Variants in RGS7 observed in about 807,000 individuals in gnomAD.
RGS7 encodes the protein regulator of G protein signaling 7.
A neutral mutation model predicts 81.1 loss-of-function variants in RGS7; 27 were observed. That is an observed-to-expected ratio of 0.33 (90% confidence interval 0.25 to 0.46). RGS7 has a LOEUF of 0.46. Ranked by LOEUF, RGS7 falls within the 20% of genes least tolerant of loss-of-function variation. The probability of loss-of-function intolerance (pLI) is 1.00; values close to 1 mark genes in which losing one functional copy is unlikely to be tolerated. For missense variants in RGS7, 396 were observed against 607.4 expected, an observed-to-expected ratio of 0.65 and a Z score of 3.66; for synonymous variants, 208 against 207.7, an observed-to-expected ratio of 1.00 and a Z score of -0.01.
At chr1:240,848,483 G>A (rs1433606934) in intron 9 of RGS7, among the ~76,000 whole-genome samples, 2 of 152,032 alleles carry the variant, frequency 1.3e-5, no homozygotes, top group African/African-American at 4.8e-5. Flanking sequence ...GGAATAATAA[G>A]ACCAAAAAAT....
At chr1:240,967,279 C>G (rs567450793) in intron 4 of RGS7, among the ~76,000 whole-genome samples, 1 of 152,236 alleles carries the variant, frequency 6.6e-6, no homozygotes, top group Admixed American at 6.5e-5. Context: ...AGACTCTGGG[C>G]CTAAATATAC....
At chr1:240,958,532 T>C (rs1474013837) in intron 4 of RGS7, among the ~76,000 whole-genome samples, 1 of 152,214 alleles carries the variant, frequency 6.6e-6, no homozygotes, top group Non-Finnish European at 1.5e-5. Context: ...TTCTGCTTTC[T>C]TGCCTTCACC....
chr1:240,903,725 A>G (rs1670381038), intron 6 of RGS7, among the ~76,000 whole-genome samples: 1 of 152,178 alleles, frequency 6.6e-6, no homozygotes, highest in Non-Finnish European at 1.5e-5. Flanking sequence ...GGTCATGGGT[A>G]CAGATCCCTC....
Position 241,230,766 on chromosome 1 carries a change from G to A in RGS7, c.78+124933C>T, listed in dbSNP as rs115671128. ...TCCTAGGACCGTGAGTACAGCTGCA[G>A]TCTTAGGTGTGCTTGTAGATCGGGA... On this transcript the variant is annotated intron_variant, in intron 2 of 18. Coordinates refer to ENST00000440928, the MANE Select transcript of RGS7 (RefSeq NM_001364886.1). 9.7e-3 allele frequency among the ~76,000 whole-genome samples: 1,475 copies of A among 152,344 alleles called. 12 individuals are homozygous for A. The highest frequency in any genetic ancestry group is 0.018 in the African/African-American group (746 of 41,576).
chr1:241,328,833 GTCATT>G (rs1183003363), intron 2 of RGS7, among the ~76,000 whole-genome samples: 1 of 152,262 alleles, frequency 6.6e-6, no homozygotes, highest in Non-Finnish European at 1.5e-5. Flanking sequence ...CTACAGTGGG[GTCATT>G]TCATTTATGA....
At chr1:241,123,203 G>C (rs971603148) in intron 2 of RGS7, among the ~76,000 whole-genome samples, 1 of 152,164 alleles carries the variant, frequency 6.6e-6, no homozygotes, top group Admixed American at 6.6e-5. Flanking sequence ...TTGGCTCTGA[G>C]GACTTCAGTG....
At chr1:241,290,931 A>T (rs1259901528) in intron 2 of RGS7, among the ~76,000 whole-genome samples, 1 of 152,226 alleles carries the variant, frequency 6.6e-6, no homozygotes, top group East Asian at 1.9e-4. Context: ...ATTAACCATG[A>T]TACAATGGCA....
intron 6 of RGS7, among the ~76,000 whole-genome samples, chr1:240,919,176 C>T (rs763887550): frequency 6.6e-5 from 10 of 152,104 alleles, no homozygotes; most frequent in East Asian, 3.9e-4. Flanking sequence ...AATAATACTC[C>T]GTACAATCTC....
intron 4 of RGS7, among the ~76,000 whole-genome samples, chr1:240,948,552 C>G (rs1337211293): frequency 6.6e-6 from 1 of 152,096 alleles, no homozygotes; most frequent in Non-Finnish European, 1.5e-5. Flanking sequence ...AAGTGATTCT[C>G]TGGCCTCAGC....
chr1:240,838,785 G>C (rs1055454697), intron 9 of RGS7, among the ~76,000 whole-genome samples: 1 of 123,218 alleles, frequency 8.1e-6, no homozygotes, highest in Non-Finnish European at 1.7e-5. Flanking sequence ...TTTTTTTTTT[G>C]AGACAGAGTC....
chr1:241,261,643 A>C (rs2077341849), intron 2 of RGS7, among the ~76,000 whole-genome samples: 2 of 151,362 alleles, frequency 1.3e-5, no homozygotes, highest in South Asian at 4.2e-4. Context: ...AAAAAAAAAA[A>C]AAAAAATGAG....
chr1:240,838,255 G>A lies in RGS7; in HGVS notation c.610-11083C>T, dbSNP rs189095351. On this transcript the variant is annotated intron_variant, in intron 9 of 18. Coordinates refer to ENST00000440928, the MANE Select transcript of RGS7 (RefSeq NM_001364886.1). ...TCCTCACATGGTGGAAGGCATAATA[G>A]TTCTCTCTTGGCCTCTTCTGTAAGG... Among the ~76,000 whole-genome samples, 510 of 152,274 alleles carry A rather than the reference G, an allele frequency of 3.3e-3. 16 individuals carry two copies. Among genetic ancestry groups the A allele is most frequent in the Admixed American group, 0.032 (492 of 15,300 alleles).
Position 241,165,789 on chromosome 1 carries a change from A to T in RGS7, c.79-67027T>A, listed in dbSNP as rs559472509. On this transcript the variant is annotated intron_variant, in intron 2 of 18. Transcript: ENST00000440928. ...AAAACTTAAAGTATAATAATAATAA[A>T]AAAAAAAAAAAACCAGCCCTGAAAA... Among the ~76,000 whole-genome samples, 268 of 151,624 alleles carry T rather than the reference A, an allele frequency of 1.8e-3. 3 individuals are homozygous for T. The highest frequency in any genetic ancestry group is 4.3e-3 in the East Asian group (22 of 5,152).
intron 4 of RGS7, among the ~76,000 whole-genome samples, chr1:240,978,319 A>G (rs1478980234): frequency 6.6e-6 from 1 of 152,226 alleles, no homozygotes; most frequent in African/African-American, 2.4e-5. Flanking sequence ...ATCTATATAT[A>G]CCTAAAATAC....
chr1:241,171,488 T>C (rs943217540), intron 2 of RGS7, among the ~76,000 whole-genome samples: 3 of 152,208 alleles, frequency 2.0e-5, no homozygotes, highest in Non-Finnish European at 4.4e-5. Context: ...GACTCATTTA[T>C]TGAGCATTCA....
At chr1:240,809,456 G>A (rs769645169) in intron 14 of RGS7, among the ~76,000 whole-genome samples, 3 of 152,182 alleles carry the variant, frequency 2.0e-5, no homozygotes, top group Non-Finnish European at 4.4e-5. Context: ...CTCCTTCAGT[G>A]TGTGACACAG....
intron 4 of RGS7, among the ~76,000 whole-genome samples, chr1:240,947,850 T>C (rs1678901086): frequency 6.6e-6 from 1 of 152,214 alleles, no homozygotes; most frequent in Admixed American, 6.5e-5. Context: ...GCCACCCCAG[T>C]TACTTCTCTG....
intron 2 of RGS7, among the ~76,000 whole-genome samples, chr1:241,296,246 G>C (rs2079416514): frequency 6.6e-6 from 1 of 152,070 alleles, no homozygotes; most frequent in African/African-American, 2.4e-5. Flanking sequence ...GATACCAGAG[G>C]ACCACACTAC....
At chr1:241,284,933 C>T (rs1016648356) in intron 2 of RGS7, among the ~76,000 whole-genome samples, 4 of 151,976 alleles carry the variant, frequency 2.6e-5, no homozygotes, top group Non-Finnish European at 4.4e-5. Context: ...TGCAGTGGCA[C>T]GATCTCAGCT....
Sources: gnomAD v4.1 joint callset for allele counts (sites outside exome capture counted in the v4.1 genomes callset) on GRCh38, gnomAD v4.1.1 for gene constraint, MANE v1.5 for transcripts, NCBI Gene and HGNC (gene_info 2026-07-23, HGNC 2026-07-21) for gene names.